EYS: variants seen among roughly 807,000 people sequenced by gnomAD.
EYS encodes EGF-like photoreceptor maintenance factor.
In EYS, 250 loss-of-function variants were observed where a neutral mutation model predicts 282.1. The ratio of observed to expected loss-of-function variants is 0.89; its 90% CI spans 0.80 to 0.98. The LOEUF (loss-of-function observed/expected upper bound fraction) is 0.98. EYS is among the 50% of genes least tolerant of loss of function. The pLI is 0.00. For missense variants in EYS, 4,016 were observed against 3,709.0 expected, an observed-to-expected ratio of 1.08 and a Z score of -2.15; for synonymous variants, 1,355 against 1,282.9, an observed-to-expected ratio of 1.06 and a Z score of -1.20.
intron 15 of EYS, among the ~76,000 whole-genome samples, chr6:64,944,079 A>G (rs1335103611): frequency 2.0e-5 from 3 of 152,128 alleles, no homozygotes; most frequent in Non-Finnish European, 4.4e-5. Flanking sequence ...ACTGACAGCC[A>G]TTTAATATTT....
At chr6:63,832,763 A>C (rs1186795521) in intron 36 of EYS, among the ~76,000 whole-genome samples, 1 of 152,222 alleles carries the variant, frequency 6.6e-6, no homozygotes, top group Non-Finnish European at 1.5e-5. Flanking sequence ...GACACAACAA[A>C]AAAAGAGAAT....
chr6:64,836,188 G>GT (rs1554208782), intron 19 of EYS, among the ~76,000 whole-genome samples: 9 of 150,594 alleles, frequency 6.0e-5, no homozygotes, highest in Non-Finnish European at 1.3e-4. Context: ...AACATGTCAT[G>GT]TTTTTTTTCA....
chr6:64,819,275 C>T (rs74771019), intron 21 of EYS, among the ~76,000 whole-genome samples: 1 of 152,118 alleles, frequency 6.6e-6, no homozygotes, highest in African/African-American at 2.4e-5. Flanking sequence ...TATAGACATT[C>T]AATATCTAAG....
chr6:64,924,897 A>G (rs2150083723), intron 15 of EYS, among the ~76,000 whole-genome samples: 1 of 152,292 alleles, frequency 6.6e-6, no homozygotes, highest in East Asian at 1.9e-4. Context: ...AAACGTTCCC[A>G]CATTTTCCTG....
intron 12 of EYS, among the ~76,000 whole-genome samples, chr6:65,262,044 G>C (rs1464548925): frequency 6.6e-6 from 1 of 152,004 alleles, no homozygotes; most frequent in Non-Finnish European, 1.5e-5. Context: ...AAAGAGAAAA[G>C]TACACTGATC....
intron 22 of EYS, among the ~76,000 whole-genome samples, chr6:64,635,083 C>G (rs1467619844): frequency 6.6e-6 from 1 of 151,864 alleles, no homozygotes; most frequent in Non-Finnish European, 1.5e-5. Flanking sequence ...CTCTTTGTAG[C>G]AATTGTGAAT....
intron 24 of EYS, among the ~76,000 whole-genome samples, chr6:64,608,466 G>A (rs917060746): frequency 2.0e-5 from 3 of 152,178 alleles, no homozygotes; most frequent in African/African-American, 7.2e-5. Context: ...CTAATTTCTT[G>A]TGCGAATGCA....
chr6:65,630,699 A>G (rs935830341), intron 2 of EYS, among the ~76,000 whole-genome samples: 4 of 152,246 alleles, frequency 2.6e-5, no homozygotes, highest in Non-Finnish European at 5.9e-5. Context: ...TGTCATTGTC[A>G]GTTAAAATAT....
chr6:64,344,600 T>A (rs1469264328), intron 29 of EYS, among the ~76,000 whole-genome samples: 4 of 152,118 alleles, frequency 2.6e-5, no homozygotes, highest in Non-Finnish European at 5.9e-5. Context: ...TCATACTGAA[T>A]GGACAAAAAC....
chr6:65,074,390 C>T (rs1359924473), intron 12 of EYS, among the ~76,000 whole-genome samples: 3 of 151,966 alleles, frequency 2.0e-5, no homozygotes, highest in East Asian at 3.9e-4. Flanking sequence ...CCCTTCATGG[C>T]ATAATCTTGC....
At chr6:65,692,321 GA>G (rs1456919068) in intron 1 of EYS, among the ~76,000 whole-genome samples, 4 of 150,062 alleles carry the variant, frequency 2.7e-5, no homozygotes, top group African/African-American at 9.7e-5. Context: ...GTATTTGGGT[GA>G]TGTTTACACT....
At chr6:65,405,002 G>GT in intron 6 of EYS, among the ~76,000 whole-genome samples, 172 bp downstream of exon 6, 1 of 151,948 alleles carries the variant, frequency 6.6e-6, no homozygotes, top group South Asian at 2.1e-4. Flanking sequence ...GAAGAGCAAA[G>GT]TTTTTTCCTA....
chr6:64,395,648 G>A (rs1482720684), intron 28 of EYS, among the ~76,000 whole-genome samples: 2 of 146,080 alleles, frequency 1.4e-5, no homozygotes, highest in East Asian at 2.1e-4. Context: ...TGGGGGGAGG[G>A]GGGAGGGATA....
chr6:64,660,556 C>T (rs1246294174), intron 22 of EYS, among the ~76,000 whole-genome samples: 1 of 152,104 alleles, frequency 6.6e-6, no homozygotes, highest in Non-Finnish European at 1.5e-5. Context: ...ATACAAAAGC[C>T]ATGTGCAAAA....
intron 12 of EYS, among the ~76,000 whole-genome samples, chr6:65,235,247 T>C (rs1766892351): frequency 6.6e-6 from 1 of 152,180 alleles, no homozygotes; most frequent in Non-Finnish European, 1.5e-5. Context: ...TGATTTACTT[T>C]GTTCAAGTTT....
At position 64,679,315 on chromosome 6, in the gene EYS, T is replaced by G. The variant is rs191760717; in HGVS notation, c.3444-53070A>C. ...GGCTGCATAGCTTTTCTCGGGCACT[T>G]TATCTTTTTGGATATATATAGCCTA... On this transcript the variant is annotated intron_variant, in intron 22 of 42. Coordinates refer to ENST00000503581, the MANE Select transcript of EYS (RefSeq NM_001142800.2). 4.1e-3 allele frequency among the ~76,000 whole-genome samples: 620 copies of G among 152,302 alleles called. 11 individuals are homozygous for G. The highest frequency in any genetic ancestry group is 0.037 in the Admixed American group (560 of 15,290).
chr6:64,439,770 T>C lies in EYS; in HGVS notation c.5645-418A>G, dbSNP rs543976847. On this transcript the variant is annotated intron_variant, in intron 26 of 42. Coordinates refer to ENST00000503581, the MANE Select transcript of EYS (RefSeq NM_001142800.2). ...TAGAGATTATTGAGAGGCATAGAAA[T>C]TGTTAACCTTTTGTATTAACACTCT... Among the ~76,000 whole-genome samples the C allele has an allele frequency of 2.6e-5, 4 of 151,968 alleles. No homozygotes were observed. The South Asian group carries it at 8.3e-4, about 31-fold the overall frequency.
chr6:64,256,416 A>T (rs1767401358), intron 30 of EYS, among the ~76,000 whole-genome samples: 1 of 152,044 alleles, frequency 6.6e-6, no homozygotes, highest in African/African-American at 2.4e-5. Context: ...GCTTCAGCCT[A>T]CTAGGGGTTC....
chr6:64,175,453 G>A (rs1764598316), intron 31 of EYS, among the ~76,000 whole-genome samples: 1 of 152,118 alleles, frequency 6.6e-6, no homozygotes, highest in African/African-American at 2.4e-5. Context: ...TGAGTGTCAA[G>A]GATAAATTAT....
Sources: gnomAD v4.1 joint callset for allele counts (sites outside exome capture counted in the v4.1 genomes callset) on GRCh38, gnomAD v4.1.1 for gene constraint, MANE v1.5 for transcripts, NCBI Gene and HGNC (gene_info 2026-07-23, HGNC 2026-07-21) for gene names.